The following SCHIP1 variants were observed in gnomAD, a reference collection of about 807,000 sequenced individuals.
SCHIP1 encodes schwannomin-interacting protein 1.
In SCHIP1, 8 loss-of-function variants were observed where a neutral mutation model predicts 29.7. The observed-to-expected ratio is 0.27, with a 90% CI of 0.16 to 0.49. SCHIP1 has a LOEUF of 0.49. SCHIP1 is among the 20% of genes least tolerant of loss of function. The pLI is 0.99. For missense variants in SCHIP1, 193 were observed against 294.6 expected, an observed-to-expected ratio of 0.66 and a Z score of 2.52; for synonymous variants, 76 against 94.9, an observed-to-expected ratio of 0.80 and a Z score of 1.16.
the SCHIP1 span, among the ~76,000 whole-genome samples, chr3:159,362,699 T>A: frequency 6.6e-6 from 1 of 152,144 alleles, no homozygotes; most frequent in Non-Finnish European, 1.5e-5. Flanking sequence ...AGGCCAGGAT[T>A]TCCCCCCCGG....
the SCHIP1 span, among the ~76,000 whole-genome samples, chr3:159,556,769 G>A: frequency 2.7e-5 from 3 of 111,610 alleles, no homozygotes; most frequent in African/African-American, 1.0e-4. Flanking sequence ...GGACTGTTGT[G>A]GGGTGGGGGG....
the SCHIP1 span, among the ~76,000 whole-genome samples, chr3:159,552,088 G>A: frequency 6.9e-6 from 1 of 144,908 alleles, no homozygotes; most frequent in Admixed American, 7.1e-5. Context: ...GCCCAGGCTG[G>A]AGTGCACTGG....
At chr3:159,372,908 C>T in the SCHIP1 span, among the ~76,000 whole-genome samples, 1 of 151,950 alleles carries the variant, frequency 6.6e-6, no homozygotes, top group Non-Finnish European at 1.5e-5. Flanking sequence ...CCTTATAGTC[C>T]AAAATGCTGA....
At chr3:159,395,287 T>C in the SCHIP1 span, among the ~76,000 whole-genome samples, 25 of 152,124 alleles carry the variant, frequency 1.6e-4, no homozygotes, top group Admixed American at 3.3e-4. Flanking sequence ...GATTCATTAA[T>C]TTTTTGAAGG....
chr3:159,494,837 C>T, the SCHIP1 span, among the ~76,000 whole-genome samples: 6 of 152,148 alleles, frequency 3.9e-5, no homozygotes, highest in Admixed American at 2.0e-4. Context: ...CCTTGATGAA[C>T]ATTGATGCAA....
At chr3:159,894,550 G>A (rs970091427) in intron 6 of SCHIP1, 2 of 152,028 alleles carry the variant, frequency 1.3e-5, no homozygotes, top group African/African-American at 4.8e-5. Flanking sequence ...CTGTCATGTG[G>A]AGCCTAGTGG....
chr3:159,393,256 T>C, the SCHIP1 span, among the ~76,000 whole-genome samples: 1 of 152,210 alleles, frequency 6.6e-6, no homozygotes, highest in Non-Finnish European at 1.5e-5. Flanking sequence ...TCTCCCATTT[T>C]GTAGGTTGCC....
At chr3:159,704,908 A>ATTTC in the SCHIP1 span, among the ~76,000 whole-genome samples, 269 of 42,604 alleles carry the variant, frequency 6.3e-3, 2 homozygotes, top group South Asian at 0.011. Context: ...TTCTTTCTTT[A>ATTTC]TTTCTTTCTT....
At chr3:159,546,376 T>C in the SCHIP1 span, among the ~76,000 whole-genome samples, 1 of 152,096 alleles carries the variant, frequency 6.6e-6, no homozygotes. Flanking sequence ...ATAGATAACT[T>C]TTATTAGGCT....
At chr3:159,869,443 G>A (rs1282295110) in intron 2 of SCHIP1, among the ~76,000 whole-genome samples, 9 of 151,746 alleles carry the variant, frequency 5.9e-5, no homozygotes, top group African/African-American at 9.7e-5. Flanking sequence ...AAATTTGATC[G>A]TTTTCCTTAT....
chr3:159,698,808 G>A, the SCHIP1 span, among the ~76,000 whole-genome samples: 1 of 151,828 alleles, frequency 6.6e-6, no homozygotes, highest in African/African-American at 2.4e-5. Flanking sequence ...ACCATGCCTG[G>A]CTAATTTTTG....
chr3:159,502,548 C>G, the SCHIP1 span, among the ~76,000 whole-genome samples: 1 of 152,014 alleles, frequency 6.6e-6, no homozygotes, highest in East Asian at 1.9e-4. Context: ...AACGTGCAGG[C>G]TTGTTACATA....
At chr3:159,626,179 T>TAG in the SCHIP1 span, among the ~76,000 whole-genome samples, 4,340 of 106,936 alleles carry the variant, frequency 0.041, 344 homozygotes, top group South Asian at 0.057. Context: ...TATCTATCTA[T>TAG]CTAGATAGAT....
At chr3:159,604,373 T>G in the SCHIP1 span, among the ~76,000 whole-genome samples, 3 of 152,190 alleles carry the variant, frequency 2.0e-5, no homozygotes, top group African/African-American at 7.2e-5. Context: ...TAGATGAATT[T>G]GGCTCACGTC....
At chr3:159,443,428 G>A in the SCHIP1 span, among the ~76,000 whole-genome samples, 34 of 152,228 alleles carry the variant, frequency 2.2e-4, no homozygotes, top group African/African-American at 7.9e-4. Flanking sequence ...TCTCAACCCT[G>A]GAAACAGCAG....
the SCHIP1 span, among the ~76,000 whole-genome samples, chr3:159,664,980 T>C: frequency 6.6e-6 from 1 of 152,238 alleles, no homozygotes; most frequent in African/African-American, 2.4e-5. Context: ...GTGATTCTAA[T>C]GCTTTGGTTC....
the SCHIP1 span, among the ~76,000 whole-genome samples, chr3:159,583,896 T>G: frequency 6.6e-6 from 1 of 152,188 alleles, no homozygotes; most frequent in Non-Finnish European, 1.5e-5. Context: ...CAATCGGCTC[T>G]TTATTCTCTC....
chr3:159,510,226 C>T, the SCHIP1 span, among the ~76,000 whole-genome samples: 3 of 152,072 alleles, frequency 2.0e-5, no homozygotes, highest in Non-Finnish European at 4.4e-5. Flanking sequence ...TTTGATCTTC[C>T]TTCACTGATA....
chr3:159,374,056 G>A, the SCHIP1 span, among the ~76,000 whole-genome samples: 5 of 151,964 alleles, frequency 3.3e-5, no homozygotes, highest in Non-Finnish European at 7.4e-5. Flanking sequence ...TTTAAATTTT[G>A]TTACTCTTCT....
Sources: allele counts gnomAD v4.1 joint callset (sites outside exome capture counted in the v4.1 genomes callset), GRCh38; gene constraint gnomAD v4.1.1; transcripts MANE v1.5; gene names NCBI Gene and HGNC (gene_info 2026-07-23, HGNC 2026-07-21).